Variants in XKR6 observed in about 807,000 individuals in gnomAD.
XKR6 encodes XK-related protein 6.
Under a neutral mutation model 56.7 loss-of-function variants are expected in XKR6, and 22 were observed. That is an observed-to-expected ratio of 0.39 (90% CI 0.28 to 0.55). The LOEUF (loss-of-function observed/expected upper bound fraction) is 0.55, where lower values mean the gene tolerates loss of function less well. XKR6 is among the 20% of genes least tolerant of loss of function. The pLI is 0.66. For synonymous variants in XKR6, 524 were observed against 387.8 expected (o/e 1.35, Z -4.13); for missense variants, 852 against 889.0 (o/e 0.96, Z 0.53).
In XKR6 at chr8:10,997,223, G is replaced by C. The variant is rs111732504; in HGVS notation, c.765-72393C>G. ...CACACAGAGCACCAAGTTCATGCCA[G>C]CCACCATGCTCAGCCCAACAACACA... On this transcript the variant is annotated intron_variant, in intron 1 of 2. Transcript: ENST00000416569. Among the ~76,000 whole-genome samples, 912 of 152,254 alleles carry C rather than the reference G, an allele frequency of 6.0e-3. 5 individuals are homozygous for C. Among genetic ancestry groups the C allele is most frequent in the Middle Eastern group, 0.017 (5 of 294 alleles).
intron 1 of XKR6, among the ~76,000 whole-genome samples, chr8:11,144,530 G>A (rs576379813): frequency 3.9e-5 from 6 of 152,102 alleles, no homozygotes; most frequent in South Asian, 2.1e-4. Context: ...ACAGGATGGC[G>A]CTAAGAGCTC....
intron 2 of XKR6, among the ~76,000 whole-genome samples, chr8:10,922,858 C>T (rs1800762003): frequency 6.6e-6 from 1 of 152,214 alleles, no homozygotes; most frequent in Non-Finnish European, 1.5e-5. Flanking sequence ...GCCCTGCCAT[C>T]CTCCTCGAGG....
chr8:11,119,384 G>A (rs538916977), intron 1 of XKR6, among the ~76,000 whole-genome samples: 2 of 152,266 alleles, frequency 1.3e-5, no homozygotes, highest in East Asian at 3.9e-4. Flanking sequence ...CTGTCTCGTT[G>A]ATCTGTCTAA....
intron 1 of XKR6, among the ~76,000 whole-genome samples, chr8:11,047,744 C>T (rs927338868): frequency 5.3e-5 from 8 of 152,080 alleles, no homozygotes; most frequent in African/African-American, 1.2e-4. Flanking sequence ...TGCCACCAAA[C>T]GATACGTTTA....
chr8:11,011,451 C>T (rs1474159364), intron 1 of XKR6, among the ~76,000 whole-genome samples: 1 of 152,224 alleles, frequency 6.6e-6, no homozygotes, highest in Non-Finnish European at 1.5e-5. Flanking sequence ...GGGTCCTGAA[C>T]ATTTTCCTTC....
intron 1 of XKR6, among the ~76,000 whole-genome samples, chr8:10,967,115 G>T (rs1802248787): frequency 6.6e-6 from 1 of 152,174 alleles, no homozygotes. Context: ...TCATAGGTCT[G>T]CATGACAGTG....
Position 10,898,576 on chromosome 8 carries a change from C to T in XKR6, c.1302G>A (p.Lys434=). Residue 434 remains lysine (K), a synonymous_variant, in exon 3 of 3, where the codon AAG becomes AAA. Coordinates refer to ENST00000416569, the MANE Select transcript of XKR6 (RefSeq NM_173683.4). This position sits in a 1 kb window ranked among gnomAD's most constrained non-coding sequence, Gnocchi z 6.6. The stretch of plus-strand genomic sequence containing the variant: ...ACATTCGATATCGAGTCCGCCCTTC[C>T]TTGACGTTAAACCAGCAGAAAATGT... ...IVYIFCWFNV[K]EGRTRYRMFA... is the part of the protein sequence containing the mutation. The T allele has an allele frequency of 2.5e-6, 4 of 1,614,144 alleles. No individual in the cohort carries two copies. Among genetic ancestry groups the T allele is most frequent in the Non-Finnish European group, 2.5e-6 (3 of 1,180,014 alleles).
chr8:10,967,211 C>T (rs903030212), intron 1 of XKR6, among the ~76,000 whole-genome samples: 2 of 152,216 alleles, frequency 1.3e-5, no homozygotes, highest in African/African-American at 4.8e-5. Flanking sequence ...CTCTGGGGCT[C>T]AGTTTACTCA....
chr8:10,905,994 A>T (rs375102595), intron 2 of XKR6, among the ~76,000 whole-genome samples: 1 of 152,214 alleles, frequency 6.6e-6, no homozygotes, highest in Non-Finnish European at 1.5e-5. Flanking sequence ...GGAAGAAAAC[A>T]AGCATCCTGA....
intron 1 of XKR6, chr8:11,123,521 A>T (rs1799581280): frequency 4.2e-6 from 1 of 236,400 alleles, no homozygotes; most frequent in African/African-American, 2.3e-5. Context: ...GTGAAGCCTG[A>T]CAAAGCTTCT....
chr8:11,070,802 G>A (rs1005782318), intron 1 of XKR6, among the ~76,000 whole-genome samples: 2 of 152,208 alleles, frequency 1.3e-5, no homozygotes, highest in African/African-American at 4.8e-5. Context: ...TAGGTGACTT[G>A]CCCAAGATCT....
chr8:11,183,876 C>T (rs1302192115), intron 1 of XKR6, among the ~76,000 whole-genome samples: 1 of 152,036 alleles, frequency 6.6e-6, no homozygotes, highest in East Asian at 1.9e-4. Context: ...GTACTATGAA[C>T]TTTTGGAAGC....
chr8:10,946,538 G>A (rs1258132073), intron 1 of XKR6, among the ~76,000 whole-genome samples: 3 of 151,904 alleles, frequency 2.0e-5, no homozygotes, highest in Non-Finnish European at 2.9e-5. Flanking sequence ...CACCCCTGGG[G>A]GTGGCGTGTC....
intron 1 of XKR6, among the ~76,000 whole-genome samples, chr8:11,195,765 C>T (rs904616466): frequency 3.3e-5 from 5 of 151,686 alleles, no homozygotes; most frequent in African/African-American, 4.8e-5. Context: ...TCTCCTGCCT[C>T]GGCCTCCTGA....
At chr8:11,184,583 T>C (rs1803168658) in intron 1 of XKR6, among the ~76,000 whole-genome samples, 1 of 152,192 alleles carries the variant, frequency 6.6e-6, no homozygotes, top group Admixed American at 6.5e-5. Flanking sequence ...TATTTTATGG[T>C]TTTCTATAAG....
At chr8:11,142,039 G>GA (rs1800728621) in intron 1 of XKR6, among the ~76,000 whole-genome samples, 1 of 149,226 alleles carries the variant, frequency 6.7e-6, no homozygotes, top group Non-Finnish European at 1.5e-5. Context: ...AAAAAAAAAG[G>GA]AAAAAAGGAA....
chr8:10,960,792 G>A (rs1802037540), intron 1 of XKR6, among the ~76,000 whole-genome samples: 1 of 152,180 alleles, frequency 6.6e-6, no homozygotes. Context: ...TTTCACTCCT[G>A]CAGCACACAC....
intron 1 of XKR6, among the ~76,000 whole-genome samples, chr8:11,151,223 T>C (rs1586620354): frequency 6.6e-6 from 1 of 152,194 alleles, no homozygotes; most frequent in Non-Finnish European, 1.5e-5. Flanking sequence ...TTTCTACTAG[T>C]GAAAGTATGC....
chr8:11,086,729 T>C (rs1368958809), intron 1 of XKR6, among the ~76,000 whole-genome samples: 1 of 152,208 alleles, frequency 6.6e-6, no homozygotes, highest in Non-Finnish European at 1.5e-5. Context: ...TGATCCTATC[T>C]CTTTTCTAGA....
Sources: gnomAD v4.1 joint callset for allele counts (sites outside exome capture counted in the v4.1 genomes callset) on GRCh38, gnomAD v4.1.1 for gene constraint, Gnocchi (gnomAD v3.1) non-coding constraint, MANE v1.5 for transcripts, NCBI Gene and HGNC (gene_info 2026-07-23, HGNC 2026-07-21) for gene names.